The following HS6ST3 variants were observed in gnomAD, a reference collection of about 807,000 sequenced individuals.
HS6ST3 encodes heparan sulfate 6-O-sulfotransferase 3, also known as heparan-sulfate 6-O-sulfotransferase 3.
HS6ST3 carries 12 observed loss-of-function variants against 36.7 expected under a neutral mutation model. The observed-to-expected ratio is 0.33, with a 90% CI of 0.21 to 0.53. The LOEUF is 0.53. HS6ST3 is among the 20% of genes least tolerant of loss of function. HS6ST3 has a pLI of 0.95. For synonymous variants in HS6ST3, 240 were observed against 257.5 expected (o/e 0.93, Z 0.65); for missense variants, 584 against 640.9 (o/e 0.91, Z 0.96).
At chr13:96,408,082 T>C (rs1371467276) in intron 1 of HS6ST3, among the ~76,000 whole-genome samples, 1 of 152,096 alleles carries the variant, frequency 6.6e-6, no homozygotes, top group Non-Finnish European at 1.5e-5. Context: ...TGGGACTATA[T>C]GTGTGCACCA....
At chr13:96,167,211 G>A (rs7991193) in intron 1 of HS6ST3, among the ~76,000 whole-genome samples, 138,697 of 152,218 alleles carry the variant, frequency 0.91, 63,324 homozygotes, top group Non-Finnish European at 0.94. Context: ...GAAAAATGGA[G>A]ATTTTCATGC....
In HS6ST3 at chr13:96,671,165, G is replaced by A. The variant is rs868698329; in HGVS notation, c.708-161325G>A. 1.1e-4 allele frequency among the ~76,000 whole-genome samples: 16 copies of A among 152,114 alleles called. 1 individual carries two copies. In the South Asian group the frequency reaches 2.3e-3, roughly 22 times the overall value. The stretch of plus-strand genomic sequence containing the variant: ...CTGCCTACCTGCTTCCACACAGGTT[G>A]GAGCCAGCTAGTTCTCCTCATTGTT... On this transcript the variant is annotated intron_variant, in intron 1 of 1. Coordinates refer to ENST00000376705, the MANE Select transcript of HS6ST3 (RefSeq NM_153456.4).
intron 1 of HS6ST3, among the ~76,000 whole-genome samples, chr13:96,548,507 T>C (rs1212843043): frequency 6.6e-6 from 1 of 152,228 alleles, no homozygotes; most frequent in African/African-American, 2.4e-5. Flanking sequence ...CTTTGTGTAT[T>C]AGTCAAGATT....
In HS6ST3 at chr13:96,658,268, C is replaced by CTTTTTTTTTTTTTTTTTTTTT. The variant is rs71213623; in HGVS notation, c.708-174212_708-174192dup. ...TTCTTCTTCTTCTTCTCTTCTTCTT[C>CTTTTTTTTTTTTTTTTTTTTT]TTTTTTTTTTTTTTTTTTTTTTTTT... On this transcript the variant is annotated intron_variant, in intron 1 of 1. Coordinates refer to ENST00000376705, the MANE Select transcript of HS6ST3 (RefSeq NM_153456.4). Among the ~76,000 whole-genome samples, 69 of 76,130 alleles carry CTTTTTTTTTTTTTTTTTTTTT rather than the reference C, an allele frequency of 9.1e-4. 11 individuals are homozygous for CTTTTTTTTTTTTTTTTTTTTT. Among genetic ancestry groups the CTTTTTTTTTTTTTTTTTTTTT allele is most frequent in the African/African-American group, 2.6e-3 (48 of 18,502 alleles). 49.9% of individuals were successfully genotyped at this position (76,130 alleles called of 152,430 possible).
intron 1 of HS6ST3, among the ~76,000 whole-genome samples, chr13:96,751,524 A>C (rs1594851766): frequency 6.6e-6 from 1 of 152,066 alleles, no homozygotes; most frequent in Non-Finnish European, 1.5e-5. Flanking sequence ...GGAGGGAATA[A>C]ATTTCTGTTG....
At chr13:96,124,385 G>A (rs9590362) in intron 1 of HS6ST3, among the ~76,000 whole-genome samples, 5,700 of 152,210 alleles carry the variant, frequency 0.037, 170 homozygotes, top group African/African-American at 0.083. Context: ...TTCTTTGGTG[G>A]ATGGGCCCCA....
chr13:96,172,687 A>G (rs531847127), intron 1 of HS6ST3, among the ~76,000 whole-genome samples: 1 of 152,222 alleles, frequency 6.6e-6, no homozygotes, highest in Non-Finnish European at 1.5e-5. Flanking sequence ...GCTCAGGTGC[A>G]TCTTATTTCT....
intron 1 of HS6ST3, among the ~76,000 whole-genome samples, chr13:96,740,416 T>G (rs1305677820): frequency 1.3e-5 from 2 of 152,178 alleles, no homozygotes; most frequent in Non-Finnish European, 2.9e-5. Context: ...TTTTATACAT[T>G]TTTAATCTTT....
At chr13:96,724,362 G>A (rs1472519556) in intron 1 of HS6ST3, among the ~76,000 whole-genome samples, 1 of 152,102 alleles carries the variant, frequency 6.6e-6, no homozygotes, top group Admixed American at 6.6e-5. Context: ...TGTTCTTAAG[G>A]TATAATTGAC....
intron 1 of HS6ST3, among the ~76,000 whole-genome samples, chr13:96,226,954 T>A (rs2054483721): frequency 6.6e-6 from 1 of 152,230 alleles, no homozygotes; most frequent in Admixed American, 6.5e-5. Flanking sequence ...ATCGTGATGT[T>A]ATCTGGCTAG....
chr13:96,596,607 C>T (rs780724589), intron 1 of HS6ST3, among the ~76,000 whole-genome samples: 4 of 152,084 alleles, frequency 2.6e-5, no homozygotes, highest in Non-Finnish European at 5.9e-5. Context: ...CTTTTCACTA[C>T]ATCCGTGTCA....
At chr13:96,213,878 A>G (rs1176376688) in intron 1 of HS6ST3, among the ~76,000 whole-genome samples, 1 of 152,190 alleles carries the variant, frequency 6.6e-6, no homozygotes, top group Non-Finnish European at 1.5e-5. Flanking sequence ...TTCACTGGTT[A>G]CATCTACCTT....
intron 1 of HS6ST3, among the ~76,000 whole-genome samples, chr13:96,684,949 T>C (rs976735893): frequency 5.3e-5 from 8 of 152,252 alleles, no homozygotes; most frequent in Admixed American, 2.0e-4. Flanking sequence ...TGTGTATATG[T>C]GTATACACAC....
intron 1 of HS6ST3, among the ~76,000 whole-genome samples, chr13:96,171,369 A>C (rs988262127): frequency 6.6e-6 from 1 of 152,106 alleles, no homozygotes; most frequent in Non-Finnish European, 1.5e-5. Context: ...GGCGACAGGG[A>C]AGCATGGCCC....
At chr13:96,189,513 G>T (rs2054279344) in intron 1 of HS6ST3, among the ~76,000 whole-genome samples, 1 of 152,056 alleles carries the variant, frequency 6.6e-6, no homozygotes, top group African/African-American at 2.4e-5. Context: ...CATGGAATTT[G>T]TCTGTGAGGT....
chr13:96,754,667 A>G (rs1876780377), intron 1 of HS6ST3, among the ~76,000 whole-genome samples: 1 of 152,178 alleles, frequency 6.6e-6, no homozygotes, highest in Admixed American at 6.5e-5. Context: ...TGAAGATATT[A>G]TTCTATATTC....
intron 1 of HS6ST3, among the ~76,000 whole-genome samples, chr13:96,339,968 CAG>C (rs1459980028): frequency 3.2e-4 from 48 of 152,342 alleles, no homozygotes; most frequent in Admixed American, 2.8e-3. Context: ...TTATTCAGAA[CAG>C]AGAGTCCTGA....
At chr13:96,825,746 T>C (rs1878633858) in intron 1 of HS6ST3, among the ~76,000 whole-genome samples, 2 of 152,236 alleles carry the variant, frequency 1.3e-5, no homozygotes, top group African/African-American at 2.4e-5. Flanking sequence ...TATGCCCTCC[T>C]TCCATTCATT....
At chr13:96,258,898 G>A (rs1280202513) in intron 1 of HS6ST3, among the ~76,000 whole-genome samples, 1 of 152,116 alleles carries the variant, frequency 6.6e-6, no homozygotes, top group African/African-American at 2.4e-5. Flanking sequence ...ACATGGTAAT[G>A]AGTGCACTGT....
Sources: allele counts gnomAD v4.1 joint callset (sites outside exome capture counted in the v4.1 genomes callset), GRCh38; gene constraint gnomAD v4.1.1; transcripts MANE v1.5; gene names NCBI Gene and HGNC (gene_info 2026-07-23, HGNC 2026-07-21).